Variants in ADGRB1 observed in about 807,000 individuals in gnomAD.
ADGRB1 encodes adhesion G protein-coupled receptor B1, also known as brain-specific angiogenesis inhibitor 1.
A neutral mutation model predicts 175.7 loss-of-function variants in ADGRB1; 36 were observed. The observed-to-expected ratio is 0.20, with a 90% CI of 0.16 to 0.27. ADGRB1 has a LOEUF of 0.27. ADGRB1 is among the 10% of genes least tolerant of loss of function. The pLI, the probability that ADGRB1 is intolerant of heterozygous loss-of-function variation, is 1.00. For synonymous variants in ADGRB1, 1,054 were observed against 979.4 expected, an observed-to-expected ratio of 1.08 and a Z score of -1.42; for missense variants, 1,731 against 2,255.3, an observed-to-expected ratio of 0.77 and a Z score of 4.71.
intron 24 of ADGRB1, among the ~76,000 whole-genome samples, chr8:142,532,517 GC>G (rs1201600485): frequency 3.3e-5 from 5 of 152,130 alleles, no homozygotes; most frequent in Non-Finnish European, 7.4e-5. Flanking sequence ...CAGGCAGGTG[GC>G]CGCTGGGGCT....
At chr8:142,523,457 C>T (rs1843984892) in intron 22 of ADGRB1, among the ~76,000 whole-genome samples, 1 of 151,818 alleles carries the variant, frequency 6.6e-6, no homozygotes, top group African/African-American at 2.4e-5. Context: ...GATGTGGCAC[C>T]CCCTTGGAGC....
chr8:142,468,361 C>G (rs902927513), intron 2 of ADGRB1, among the ~76,000 whole-genome samples: 2 of 152,088 alleles, frequency 1.3e-5, no homozygotes, highest in African/African-American at 4.8e-5. Flanking sequence ...GGCCGTTGGT[C>G]TTGTGGAAAG....
intron 2 of ADGRB1, among the ~76,000 whole-genome samples, chr8:142,469,937 G>C (rs1840559263): frequency 6.6e-6 from 1 of 152,224 alleles, no homozygotes; most frequent in Non-Finnish European, 1.5e-5. Flanking sequence ...CCTCGCTGTG[G>C]GACCTGGGGA....
chr8:142,539,719 C>CTA, intron 27 of ADGRB1: 15 of 531,702 alleles, frequency 2.8e-5, no homozygotes, highest in Admixed American at 3.3e-5. Flanking sequence ...CGTCCCCTGC[C>CTA]CACCTGACAT....
chr8:142,499,313 C>T (rs945432829), intron 17 of ADGRB1, among the ~76,000 whole-genome samples: 1 of 152,232 alleles, frequency 6.6e-6, no homozygotes, highest in Non-Finnish European at 1.5e-5. Context: ...AGCCAGGCTG[C>T]TGTGAGTATT....
chr8:142,478,066 C>T, intron 6 of ADGRB1, 121 bp from the exon 7 acceptor site: 2 of 1,356,142 alleles, frequency 1.5e-6, no homozygotes, highest in Admixed American at 4.1e-5. Context: ...CCAGGGTGTT[C>T]TCATCTATGT....
At chr8:142,466,862 C>T (rs1383126748) in intron 2 of ADGRB1, among the ~76,000 whole-genome samples, 1 of 152,188 alleles carries the variant, frequency 6.6e-6, no homozygotes, top group Non-Finnish European at 1.5e-5. Flanking sequence ...TCACTTCACC[C>T]CTCAGAGCCT....
At chr8:142,505,382 G>T (rs1842804099) in intron 17 of ADGRB1, among the ~76,000 whole-genome samples, 1 of 152,222 alleles carries the variant, frequency 6.6e-6, no homozygotes, top group East Asian at 1.9e-4. Flanking sequence ...GTGCCTGTGG[G>T]GGCTGCCCGA....
chr8:142,516,650 TGTGTGTGTGTGTGGGTCCCAG>T (rs1563731776), intron 18 of ADGRB1, among the ~76,000 whole-genome samples: 2 of 132,072 alleles, frequency 1.5e-5, no homozygotes, highest in Admixed American at 1.5e-4. Context: ...CAGGTGTGTG[TGTGTGTGTGTGTGGGTCCCAG>T]GTGCATGCCT....
At chr8:142,528,614 T>C (rs1587420415) in intron 24 of ADGRB1, among the ~76,000 whole-genome samples, 1 of 151,154 alleles carries the variant, frequency 6.6e-6, no homozygotes, top group East Asian at 1.9e-4. Context: ...CTGCCGCCGA[T>C]GCCACCTCCG....
intron 18 of ADGRB1, among the ~76,000 whole-genome samples, chr8:142,516,208 G>A (rs1490704933): frequency 6.7e-6 from 1 of 150,238 alleles, no homozygotes; most frequent in Admixed American, 6.6e-5. Context: ...CCAGGTGCAT[G>A]CGTGTGTGCG....
chr8:142,456,053 A>G (rs916285574), intron 1 of ADGRB1, among the ~76,000 whole-genome samples: 3 of 152,050 alleles, frequency 2.0e-5, no homozygotes, highest in East Asian at 3.9e-4. Flanking sequence ...CCCCAGAGGA[A>G]CGCATTTCAA....
chr8:142,544,733 G>A lies in ADGRB1; in HGVS notation c.*316G>A, dbSNP rs977419570. Reference sequence around the variant, plus strand: ...CGTGGACAGGCCCAGCGCGGCCAGCGTCCCAGGGTACCCGCCTGAGCTCCT... The same window carrying A: ...CGTGGACAGGCCCAGCGCGGCCAGCATCCCAGGGTACCCGCCTGAGCTCCT... On this transcript the variant is annotated 3_prime_UTR_variant, in exon 31 of 31. Coordinates refer to ENST00000517894, the MANE Select transcript of ADGRB1 (RefSeq NM_001702.3). 7 of 225,318 alleles carry A rather than the reference G, an allele frequency of 3.1e-5. No homozygotes were observed. Among genetic ancestry groups the A allele is most frequent in the East Asian group, 9.0e-5 (1 of 11,160 alleles). The allele number at this position is 225,318 out of a possible 1,614,324, so 14.0% of individuals were successfully genotyped here. A position where few individuals can be genotyped will look rare whatever the true frequency, so the allele number is the denominator to read the frequency against.
intron 24 of ADGRB1, among the ~76,000 whole-genome samples, chr8:142,528,040 G>T (rs1364921197): frequency 1.3e-5 from 2 of 152,176 alleles, no homozygotes; most frequent in Non-Finnish European, 2.9e-5. Context: ...CGCCTGTGTG[G>T]CCGTGTAGGT....
intron 18 of ADGRB1, among the ~76,000 whole-genome samples, chr8:142,514,076 A>G (rs1843265447): frequency 2.0e-5 from 3 of 151,738 alleles, no homozygotes; most frequent in Admixed American, 2.0e-4. Context: ...CTGGGCAGGG[A>G]GAGAGAGGGG....
chr8:142,528,545 T>C, intron 24 of ADGRB1, among the ~76,000 whole-genome samples: 1 of 152,052 alleles, frequency 6.6e-6, no homozygotes, highest in East Asian at 1.9e-4. Flanking sequence ...TCACTTGCAG[T>C]CAGCCGTCCC....
chr8:142,450,197 T>G (rs1839254522), intron 1 of ADGRB1, 93 bp downstream of exon 1: 1 of 151,470 alleles, frequency 6.6e-6, no homozygotes, highest in Non-Finnish European at 1.5e-5. Context: ...CGCCCAGACT[T>G]CCTAACTTCG....
intron 27 of ADGRB1, 40 bp downstream of exon 27, chr8:142,539,453 C>G: frequency 6.3e-7 from 1 of 1,591,804 alleles, no homozygotes; most frequent in Non-Finnish European, 8.5e-7. Context: ...CCAGCCCGGC[C>G]CCCTGCATGG....
Position 142,464,875 on chromosome 8 carries a change from G to T in ADGRB1, c.677G>T (p.Gly226Val). The change falls in exon 2 of 31, where the codon GGA becomes GTA. Residue 226 changes from glycine (G) to valine (V), a missense_variant. By Grantham distance (109) the Gly-to-Val change is moderately radical. This residue lies in a region of ADGRB1 where 383 missense variants were observed against 383.1 expected (regional missense o/e 1.00). Transcript: ENST00000517894. ...GGCGAGGCGGGCGGCCCTGCCGCGG[G>T]ACCCCTGGCCCCCCGCGGGGATGTC... ...LGGEAGGPAA[G>V]PLAPRGDVCL... 6 of 1,522,234 alleles carry T rather than the reference G, an allele frequency of 3.9e-6. No homozygotes were observed. The East Asian group carries it at 1.3e-4, about 32-fold the overall frequency. 94.3% of individuals were successfully genotyped at this position (1,522,234 alleles called of 1,614,324 possible).
Sources: allele counts gnomAD v4.1 joint callset (sites outside exome capture counted in the v4.1 genomes callset), GRCh38; gene constraint gnomAD v4.1.1; regional missense constraint gnomAD v4.1.1; transcripts MANE v1.5; gene names NCBI Gene and HGNC (gene_info 2026-07-23, HGNC 2026-07-21).